The following MIER2 variants were observed in gnomAD, a reference collection of about 807,000 sequenced individuals.
MIER2 encodes the protein mesoderm induction early response protein 2.
MIER2 carries 30 observed loss-of-function variants against 67.6 expected under a neutral mutation model. That is an observed-to-expected ratio of 0.44 (90% CI 0.33 to 0.60). MIER2 has a LOEUF of 0.60. MIER2 is among the 20% of genes least tolerant of loss of function. The pLI, the probability that MIER2 is intolerant of heterozygous loss-of-function variation, is 0.02. For missense variants in MIER2, 702 were observed against 745.1 expected (o/e 0.94, Z 0.67); for synonymous variants, 372 against 312.6 (o/e 1.19, Z -2.00).
chr19:332,752 A>G (rs931758316), intron 3 of MIER2, among the ~76,000 whole-genome samples: 1 of 94,910 alleles, frequency 1.1e-5, no homozygotes, highest in Non-Finnish European at 2.1e-5. Context: ...TGTCAGTTTT[A>G]ACTTTTCATG....
chr19:312,366 G>C, intron 8 of MIER2, 94 bp from the exon 9 acceptor site: 1 of 1,220,608 alleles, frequency 8.2e-7, no homozygotes, highest in Non-Finnish European at 1.2e-6. Context: ...ATCAGGGGCC[G>C]TCCACACCAC....
At chr19:309,104 C>T (rs1970804287) in intron 10 of MIER2, among the ~76,000 whole-genome samples, 179 bp from the exon 11 acceptor site, 1 of 152,118 alleles carries the variant, frequency 6.6e-6, no homozygotes, top group Non-Finnish European at 1.5e-5. Context: ...CTATGCCCAC[C>T]ACAGGGAACA....
intron 7 of MIER2, among the ~76,000 whole-genome samples, chr19:318,534 A>T (rs2145414300): frequency 6.6e-6 from 1 of 152,354 alleles, no homozygotes; most frequent in Admixed American, 6.5e-5. Flanking sequence ...TAGAACAAGC[A>T]GCCAAAAAAA....
chr19:327,450 AC>A (rs1971813836), intron 4 of MIER2, among the ~76,000 whole-genome samples, 194 bp from the exon 5 acceptor site: 1 of 152,222 alleles, frequency 6.6e-6, no homozygotes, highest in South Asian at 2.1e-4. Context: ...ACACCCAGCC[AC>A]CAGAGCTGGA....
At chr19:320,992 C>T (rs150192707) in intron 7 of MIER2, among the ~76,000 whole-genome samples, 54 of 152,218 alleles carry the variant, frequency 3.5e-4, no homozygotes, top group African/African-American at 1.2e-3. Context: ...GTCAAGTAGC[C>T]GACACAAGGC....
At chr19:311,423 G>A (rs76165177) in intron 10 of MIER2, among the ~76,000 whole-genome samples, 1,909 of 152,282 alleles carry the variant, frequency 0.013, 76 homozygotes, top group Admixed American at 0.1. Flanking sequence ...GGTTTGTCCC[G>A]GGTGGCAGGA....
chr19:317,611 TC>T (rs1311842051), intron 7 of MIER2, among the ~76,000 whole-genome samples: 2 of 150,448 alleles, frequency 1.3e-5, no homozygotes, highest in East Asian at 3.9e-4. Context: ...ATGCGTGTAA[TC>T]CCAGCTACTT....
chr19:332,704 G>A (rs1168519884), intron 3 of MIER2, among the ~76,000 whole-genome samples: 1 of 117,450 alleles, frequency 8.5e-6, no homozygotes, highest in Non-Finnish European at 1.7e-5. Flanking sequence ...AAAGTGCTGG[G>A]ATTACAGGCA....
intron 7 of MIER2, among the ~76,000 whole-genome samples, chr19:324,029 G>A (rs533766448): frequency 4.1e-5 from 6 of 147,868 alleles, no homozygotes; most frequent in Admixed American, 1.4e-4. Flanking sequence ...CAGACGACTC[G>A]AAGGACACAG....
At chr19:316,719 G>A (rs1971251099) in intron 7 of MIER2, among the ~76,000 whole-genome samples, 2 of 152,206 alleles carry the variant, frequency 1.3e-5, no homozygotes, top group African/African-American at 4.8e-5. Context: ...GCTCACTCCT[G>A]TAATGTCAGC....
At chr19:330,684 G>A (rs535900422) in intron 3 of MIER2, among the ~76,000 whole-genome samples, 7 of 152,080 alleles carry the variant, frequency 4.6e-5, no homozygotes, top group South Asian at 4.1e-4. Context: ...CAAGGAGGCC[G>A]TGAGGGTGGG....
chr19:313,454 G>A (rs1971103755), intron 8 of MIER2, 38 bp downstream of exon 8: 1 of 1,598,134 alleles, frequency 6.3e-7, no homozygotes, highest in South Asian at 1.1e-5. Context: ...CGCCACGGCA[G>A]CCCTCAGCCC....
chr19:325,815 C>A (rs1600149116), intron 6 of MIER2, 111 bp from the exon 7 acceptor site: 2 of 1,175,612 alleles, frequency 1.7e-6, no homozygotes, highest in East Asian at 4.8e-5. Context: ...TGTCCAGACC[C>A]CAGACCCATC....
At chr19:313,399 G>T in intron 8 of MIER2, 93 bp downstream of exon 8, 1 of 1,536,616 alleles carries the variant, frequency 6.5e-7, no homozygotes, top group Non-Finnish European at 8.7e-7. Flanking sequence ...CCTCCCCTCT[G>T]CCCTCCCTGG....
chr19:332,562 A>C (rs890563072), intron 3 of MIER2, among the ~76,000 whole-genome samples: 2 of 147,658 alleles, frequency 1.4e-5, no homozygotes, highest in Admixed American at 6.8e-5. Context: ...TCAGCCTCCC[A>C]AAGTGCTGGG....
intron 3 of MIER2, among the ~76,000 whole-genome samples, chr19:329,050 A>G (rs1971900478): frequency 1.3e-5 from 2 of 152,170 alleles, no homozygotes; most frequent in African/African-American, 2.4e-5. Context: ...CACAGAGGCT[A>G]GTCCTGTCTG....
chr19:311,942 G>A lies in MIER2; in HGVS notation c.890-3C>T. 1.2e-6 allele frequency: 2 copies of A among 1,613,782 alleles called. No homozygotes were observed. Among genetic ancestry groups the A allele is most frequent in the Non-Finnish European group, 1.7e-6 (2 of 1,179,782 alleles). On this transcript the variant is annotated splice_region_variant and splice_polypyrimidine_tract_variant and intron_variant, in intron 9 of 13. Coordinates refer to ENST00000264819, the MANE Select transcript of MIER2 (RefSeq NM_017550.3). ...TTCACTCCAAGCACAGAGCCCATCT[G>A]CAAACACGGCCGGGGAGAACGGTCA...
At position 342,558 on chromosome 19, in the gene MIER2, G is replaced by A. The variant is rs868728306; in HGVS notation, c.9+2216C>T. ...CAGGGACCATGAAAAGCCATGGAGG[G>A]TTTTAGGTAGGAGCAAAAGATGGTG... On this transcript the variant is annotated intron_variant, in intron 1 of 13. Transcript: ENST00000264819. Among the ~76,000 whole-genome samples, 4 of 150,840 alleles carry A rather than the reference G, an allele frequency of 2.7e-5. No individual in the cohort carries two copies. In the East Asian group the frequency reaches 7.8e-4, roughly 29 times the overall value.
At chr19:321,096 C>CCA (rs1971483590) in intron 7 of MIER2, among the ~76,000 whole-genome samples, 1 of 152,202 alleles carries the variant, frequency 6.6e-6, no homozygotes, top group Non-Finnish European at 1.5e-5. Context: ...GCAGCTTGTC[C>CCA]CACCTCAGCT....
Sources: gnomAD v4.1 joint callset for allele counts (sites outside exome capture counted in the v4.1 genomes callset) on GRCh38, gnomAD v4.1.1 for gene constraint, MANE v1.5 for transcripts, NCBI Gene and HGNC (gene_info 2026-07-23, HGNC 2026-07-21) for gene names.